TPO: variants seen among roughly 807,000 people sequenced by gnomAD.
TPO encodes the protein thyroid peroxidase.
A neutral mutation model predicts 96.9 loss-of-function variants in TPO; 78 were observed. That is an observed-to-expected ratio of 0.81 (90% confidence interval 0.67 to 0.97). TPO has a LOEUF of 0.97. Ranked by LOEUF, TPO falls within the 50% of genes least tolerant of loss-of-function variation. The pLI is 0.00. For missense variants in TPO, 1,252 were observed against 1,274.8 expected, an observed-to-expected ratio of 0.98 and a Z score of 0.27; for synonymous variants, 547 against 538.0, an observed-to-expected ratio of 1.02 and a Z score of -0.23.
intron 14 of TPO, among the ~76,000 whole-genome samples, chr2:1,512,752 G>C (rs1558387770): frequency 6.6e-6 from 1 of 152,222 alleles, no homozygotes; most frequent in Non-Finnish European, 1.5e-5. Context: ...GTGGACGATG[G>C]TGGACAGTGA....
At chr2:1,442,576 G>A (rs1456079416) in intron 5 of TPO, among the ~76,000 whole-genome samples, 2 of 152,294 alleles carry the variant, frequency 1.3e-5, no homozygotes, top group East Asian at 3.9e-4. Flanking sequence ...ATTGATACAT[G>A]TGATAAGAAC....
At chr2:1,538,093 C>G (rs1239293421) in intron 15 of TPO, among the ~76,000 whole-genome samples, 1 of 110,654 alleles carries the variant, frequency 9.0e-6, no homozygotes, top group African/African-American at 3.8e-5. Context: ...CAAATCCTCC[C>G]CACTGTGTGC....
rs540898648 is a variant in TPO at position 1,421,798 on chromosome 2, A to C, written c.95-1247A>C. ...GTCCACACCTGCCACCGATCCTGCG[A>C]CGCCCAGGCCGCCCCTCCCCTCTCG... On this transcript the variant is annotated intron_variant, in intron 2 of 16. Transcript: ENST00000329066. Among the ~76,000 whole-genome samples, 4 of 152,018 alleles carry C rather than the reference A, an allele frequency of 2.6e-5. No homozygotes were observed. The East Asian group carries it at 5.8e-4, about 22-fold the overall frequency.
chr2:1,537,044 T>A (rs560593811), intron 15 of TPO, among the ~76,000 whole-genome samples: 2 of 111,984 alleles, frequency 1.8e-5, no homozygotes. Flanking sequence ...CCCCACTGTG[T>A]GCAACCTCCC....
At chr2:1,473,251 T>C (rs1043036651) in intron 7 of TPO, among the ~76,000 whole-genome samples, 2 of 152,194 alleles carry the variant, frequency 1.3e-5, no homozygotes, top group African/African-American at 4.8e-5. Context: ...TCCATTCATT[T>C]TGCACAGTGG....
intron 9 of TPO, among the ~76,000 whole-genome samples, chr2:1,486,637 G>T (rs1671192191): frequency 1.3e-5 from 2 of 152,218 alleles, no homozygotes; most frequent in South Asian, 2.1e-4. Context: ...ACCTTTGGAA[G>T]TTAATTATTT....
intron 2 of TPO, among the ~76,000 whole-genome samples, chr2:1,416,054 T>C (rs1662931053): frequency 6.6e-6 from 1 of 151,968 alleles, no homozygotes; most frequent in Admixed American, 6.6e-5. Flanking sequence ...CACCCCTAAT[T>C]CCTGTCCCTC....
intron 14 of TPO, chr2:1,512,449 C>G: frequency 1.0e-6 from 1 of 985,468 alleles, no homozygotes; most frequent in Non-Finnish European, 1.2e-6. Flanking sequence ...GACCAGCGCC[C>G]GTGCTCAGGG....
At position 1,433,566 on chromosome 2, in the gene TPO, G is replaced by C. The variant is rs1162212444; in HGVS notation, c.308G>C (p.Arg103Thr). 6.2e-7 allele frequency: 1 copy of C among 1,614,052 alleles called. No individual in the cohort carries two copies. Among genetic ancestry groups the C allele is most frequent in the African/African-American group, 1.3e-5 (1 of 74,940 alleles). ...IMETSIQAMK[R>T]KVNLKTQQSQ... ...GAAACATCAATACAAGCGATGAAAA[G>C]AAAAGTCAACCTGAAAACTCAACAA... The change falls in exon 4 of 17, where the codon AGA becomes ACA. Residue 103 changes from arginine to threonine, a missense_variant. By Grantham distance (71) the Arg-to-Thr change is moderately conservative. Coordinates refer to ENST00000329066, the MANE Select transcript of TPO (RefSeq NM_001206744.2).
At chr2:1,492,158 T>C (rs1043726736) in intron 10 of TPO, among the ~76,000 whole-genome samples, 4 of 115,472 alleles carry the variant, frequency 3.5e-5, no homozygotes, top group African/African-American at 1.6e-4. Flanking sequence ...ATTTTTTTTG[T>C]TTTTTGTTTT....
At chr2:1,392,689 T>G (rs1468553791) in intron 1 of TPO, among the ~76,000 whole-genome samples, 1 of 152,204 alleles carries the variant, frequency 6.6e-6, no homozygotes, top group East Asian at 1.9e-4. Flanking sequence ...ATTGGTCTGT[T>G]CGGAGACTCA....
intron 5 of TPO, among the ~76,000 whole-genome samples, chr2:1,451,809 T>TC (rs1180659693): frequency 6.6e-6 from 1 of 152,092 alleles, no homozygotes; most frequent in African/African-American, 2.4e-5. Context: ...TCTATTTTTT[T>TC]CTCTTTGAAT....
In TPO at chr2:1,487,915, C is replaced by T. The variant is rs1407452403; in HGVS notation, c.1692C>T (p.Leu564=). The change falls in exon 10 of 17, where the codon CTC becomes CTT. Residue 564 remains leucine (L), a synonymous_variant. Coordinates refer to ENST00000329066, the MANE Select transcript of TPO (RefSeq NM_001206744.2). ...QLMNEELTER[L]FVLSNSSTLD... ...TGAACGAGGAGCTGACGGAAAGGCT[C>T]TTTGTGCTGTCCAATTCCAGCACCT... 1.2e-6 allele frequency: 2 copies of T among 1,614,202 alleles called. No homozygotes were observed. The highest frequency in any genetic ancestry group is 3.3e-5 in the Admixed American group (2 of 60,026).
At chr2:1,473,045 ACT>A (rs1471931061) in intron 7 of TPO, among the ~76,000 whole-genome samples, 6 of 151,900 alleles carry the variant, frequency 3.9e-5, no homozygotes, top group African/African-American at 1.5e-4. Flanking sequence ...CTAGATGTTA[ACT>A]CTCTATCTCT....
chr2:1,415,839 A>T (rs1192473129), intron 2 of TPO, among the ~76,000 whole-genome samples: 2 of 152,250 alleles, frequency 1.3e-5, no homozygotes, highest in Middle Eastern at 3.4e-3. Flanking sequence ...GCTGGGGGCC[A>T]CATTTTACCC....
chr2:1,537,079 CTCACCA>C (rs1679895634), intron 15 of TPO, among the ~76,000 whole-genome samples: 22 of 64,822 alleles, frequency 3.4e-4, no homozygotes, highest in South Asian at 1.2e-3. Flanking sequence ...TGTGTGCAAC[CTCACCA>C]AATCCGTCCA....
In TPO at chr2:1,495,785, C is replaced by G. The variant is rs1672264164; in HGVS notation, c.2007-204C>G. 2.0e-5 allele frequency among the ~76,000 whole-genome samples: 3 copies of G among 151,936 alleles called. No individual in the cohort carries two copies. The South Asian group carries it at 6.3e-4, about 32-fold the overall frequency. On this transcript the variant is annotated intron_variant, in intron 11 of 16. Transcript: ENST00000329066. ...TCCTCAGTGCCTGCACCTGAGTGGT[C>G]CCGGGTGCTGGGGGTCTGGGCAGAC...
rs768536242 is a variant in TPO at position 1,453,717 on chromosome 2, C to T, written c.506C>T (p.Ser169Phe). ...NNRDHPRWGA[S>F]NTALARWLPP... ...AGAGACCACCCCAGATGGGGCGCCT[C>T]CAACACGGCCCTGGCACGATGGCTC... The change falls in exon 6 of 17, where the codon TCC becomes TTC. Residue 169 changes from serine to phenylalanine, a missense_variant. By Grantham distance (155) the Ser-to-Phe change is radical. Transcript: ENST00000329066. 3.7e-6 allele frequency: 6 copies of T among 1,613,994 alleles called. No individual in the cohort carries two copies. Among genetic ancestry groups the T allele is most frequent in the Non-Finnish European group, 4.2e-6 (5 of 1,180,048 alleles).
At chr2:1,521,325 G>A (rs72776251) in intron 15 of TPO, among the ~76,000 whole-genome samples, 19,172 of 152,150 alleles carry the variant, frequency 0.13, 1,318 homozygotes, top group Non-Finnish European at 0.14. Context: ...GGCACGTCAC[G>A]GGGGGTTCCT....
Sources: allele counts gnomAD v4.1 joint callset (sites outside exome capture counted in the v4.1 genomes callset), GRCh38; gene constraint gnomAD v4.1.1; transcripts MANE v1.5; gene names NCBI Gene and HGNC (gene_info 2026-07-23, HGNC 2026-07-21).